Variants in CHODL observed in about 807,000 individuals in gnomAD.
CHODL encodes transmembrane protein MT75.
Under a neutral mutation model 34.5 loss-of-function variants are expected in CHODL, and 29 were observed. The ratio of observed to expected loss-of-function variants is 0.84; its 90% confidence interval spans 0.63 to 1.15. The LOEUF is 1.15. Among genes scored for constraint, CHODL ranks in the 50% most tolerant of loss-of-function variants. The pLI is 0.00. For synonymous variants in CHODL, 125 were observed against 116.1 expected (o/e 1.08, Z -0.49); for missense variants, 332 against 332.5 (o/e 1.00, Z 0.01).
chr21:18,230,152 G>A (rs933444314), intron 2 of CHODL, among the ~76,000 whole-genome samples: 2 of 152,064 alleles, frequency 1.3e-5, no homozygotes, highest in Non-Finnish European at 2.9e-5. Context: ...AAATGGTCTC[G>A]TTTCCTTTGA....
chr21:18,028,698 TAAAA>T (rs34588468), intron 2 of CHODL, among the ~76,000 whole-genome samples: 3 of 85,256 alleles, frequency 3.5e-5, no homozygotes, highest in East Asian at 3.9e-4. Context: ...AAACTCCATC[TAAAA>T]AAAAAAAAAA....
chr21:18,080,243 T>G (rs2064925468), intron 2 of CHODL, among the ~76,000 whole-genome samples: 1 of 152,110 alleles, frequency 6.6e-6, no homozygotes, highest in African/African-American at 2.4e-5. Flanking sequence ...AGCCCTTTGT[T>G]GGACGCATAG....
chr21:18,106,003 A>G (rs1430546500), intron 2 of CHODL, among the ~76,000 whole-genome samples: 1 of 152,188 alleles, frequency 6.6e-6, no homozygotes, highest in East Asian at 1.9e-4. Context: ...AGCCACACCT[A>G]AATTCTAGGA....
intron 2 of CHODL, among the ~76,000 whole-genome samples, chr21:18,061,341 T>A (rs1212860762): frequency 6.6e-6 from 1 of 152,168 alleles, no homozygotes; most frequent in Non-Finnish European, 1.5e-5. Flanking sequence ...ATACTAGCTG[T>A]ACAAATATAT....
intron 2 of CHODL, among the ~76,000 whole-genome samples, chr21:18,033,341 T>A (rs1166975728): frequency 1.3e-5 from 2 of 152,054 alleles, no homozygotes; most frequent in Non-Finnish European, 2.9e-5. Flanking sequence ...TTGTAGTCTG[T>A]CTCTGAGTGA....
rs190171288 is a variant in CHODL at position 18,018,847 on chromosome 21, C to T, written c.-144-9025C>T. ...AAAATAAAAACTGAAGTTTATAAAG[C>T]GGGGAATTGCAGTTATGCCAAATAC... On this transcript the variant is annotated intron_variant, in intron 1 of 6. Transcript: ENST00000400127. Among the ~76,000 whole-genome samples the T allele has an allele frequency of 3.2e-3, 486 of 152,240 alleles. 4 individuals are homozygous for T. Among genetic ancestry groups the T allele is most frequent in the African/African-American group, 0.011 (453 of 41,548 alleles).
At chr21:18,003,399 A>G (rs1170237342) in intron 1 of CHODL, among the ~76,000 whole-genome samples, 1 of 145,438 alleles carries the variant, frequency 6.9e-6, no homozygotes, top group Non-Finnish European at 1.5e-5. Flanking sequence ...ATTTTATTTT[A>G]TTAATTATAA....
At chr21:18,116,759 C>T (rs2065418100) in intron 2 of CHODL, among the ~76,000 whole-genome samples, 1 of 152,158 alleles carries the variant, frequency 6.6e-6, no homozygotes, top group Admixed American at 6.5e-5. Flanking sequence ...GTGGGTGAAT[C>T]AGAAGACGTC....
intron 1 of CHODL, among the ~76,000 whole-genome samples, chr21:18,012,135 A>G (rs2064025104): frequency 6.6e-6 from 1 of 152,154 alleles, no homozygotes; most frequent in African/African-American, 2.4e-5. Flanking sequence ...ATGAATGAGG[A>G]TTGGTGGATG....
intron 2 of CHODL, among the ~76,000 whole-genome samples, chr21:18,202,006 C>T (rs1233441863): frequency 6.6e-6 from 1 of 151,846 alleles, no homozygotes; most frequent in Non-Finnish European, 1.5e-5. Context: ...GGGGCTTCAC[C>T]ATGTTAGCCA....
chr21:18,246,510 G>T (rs1420158223), intron 1 of CHODL, among the ~76,000 whole-genome samples: 1 of 152,064 alleles, frequency 6.6e-6, no homozygotes, highest in Non-Finnish European at 1.5e-5. Context: ...TGTAGTTACC[G>T]ATCACTCTAC....
intron 3 of CHODL, among the ~76,000 whole-genome samples, chr21:18,257,713 T>C (rs929584983): frequency 2.0e-5 from 3 of 152,178 alleles, no homozygotes; most frequent in Non-Finnish European, 2.9e-5. Context: ...CTCAGTTAGC[T>C]TTCTTTTGAA....
chr21:18,079,341 A>G (rs2064906256), intron 2 of CHODL, among the ~76,000 whole-genome samples: 1 of 150,278 alleles, frequency 6.7e-6, no homozygotes, highest in Non-Finnish European at 1.5e-5. Flanking sequence ...ATTTTACGGT[A>G]TATATATACC....
intron 2 of CHODL, among the ~76,000 whole-genome samples, chr21:18,049,043 A>T (rs1015945826): frequency 1.8e-4 from 27 of 152,108 alleles, no homozygotes; most frequent in African/African-American, 6.5e-4. Flanking sequence ...ACAAAACAAT[A>T]CAAAATTAGT....
At chr21:18,159,431 C>T (rs979666502) in intron 2 of CHODL, among the ~76,000 whole-genome samples, 4 of 151,666 alleles carry the variant, frequency 2.6e-5, no homozygotes, top group Non-Finnish European at 4.4e-5. Context: ...TCTAAAGATG[C>T]GGTATTAAAT....
At chr21:18,186,120 T>G (rs1185710300) in intron 2 of CHODL, among the ~76,000 whole-genome samples, 2 of 152,200 alleles carry the variant, frequency 1.3e-5, no homozygotes, top group African/African-American at 4.8e-5. Context: ...TTCTGCTCTT[T>G]GACCTCATTT....
chr21:17,999,908 C>G (rs552055291), intron 1 of CHODL, among the ~76,000 whole-genome samples: 57 of 152,294 alleles, frequency 3.7e-4, no homozygotes, highest in African/African-American at 1.3e-3. Flanking sequence ...ACACCAACCT[C>G]TCTGAGCCTT....
At chr21:18,164,314 A>C (rs2073129346) in intron 2 of CHODL, among the ~76,000 whole-genome samples, 1 of 152,234 alleles carries the variant, frequency 6.6e-6, no homozygotes. Context: ...GCATGAAGCC[A>C]GGAATTCAAT....
intron 2 of CHODL, among the ~76,000 whole-genome samples, chr21:18,144,049 T>A (rs2072834904): frequency 6.6e-6 from 1 of 152,062 alleles, no homozygotes; most frequent in African/African-American, 2.4e-5. Context: ...CCCAGATTAA[T>A]TTGAAAGCTA....
Sources: gnomAD v4.1 joint callset for allele counts (sites outside exome capture counted in the v4.1 genomes callset) on GRCh38, gnomAD v4.1.1 for gene constraint, MANE v1.5 for transcripts, NCBI Gene and HGNC (gene_info 2026-07-23, HGNC 2026-07-21) for gene names.